The following TESC variants were observed in gnomAD, a reference collection of about 807,000 sequenced individuals.
The protein encoded by TESC is calcineurin B homologous protein 3.
In TESC, 19 loss-of-function variants were observed where a neutral mutation model predicts 31.0. That is an observed-to-expected ratio of 0.61 (90% confidence interval 0.43 to 0.90). The LOEUF is 0.90. TESC is among the 40% of genes least tolerant of loss of function. The probability of loss-of-function intolerance (pLI) is 0.00; values close to 1 mark genes in which losing one functional copy is unlikely to be tolerated. For missense variants in TESC, 248 were observed against 303.8 expected (o/e 0.82, Z 1.36); for synonymous variants, 109 against 114.8 (o/e 0.95, Z 0.32).
intron 1 of TESC, among the ~76,000 whole-genome samples, chr12:117,075,971 GTATA>G (rs1555232418): frequency 1.0e-5 from 1 of 99,672 alleles, no homozygotes; most frequent in African/African-American, 4.2e-5. Context: ...ATATATGTAT[GTATA>G]TATATATATA....
intron 2 of TESC, among the ~76,000 whole-genome samples, chr12:117,068,248 G>A (rs1197722168): frequency 6.6e-6 from 1 of 152,092 alleles, no homozygotes; most frequent in East Asian, 1.9e-4. Context: ...ACTGCTGAGG[G>A]CCTGGGTGTG....
intron 1 of TESC, among the ~76,000 whole-genome samples, chr12:117,090,121 A>G (rs927034131): frequency 6.6e-6 from 1 of 152,250 alleles, no homozygotes; most frequent in Non-Finnish European, 1.5e-5. Context: ...CAAAATAACA[A>G]TATTTCCAAA....
intron 2 of TESC, among the ~76,000 whole-genome samples, chr12:117,067,541 C>A (rs1954904958): frequency 6.6e-6 from 1 of 152,192 alleles, no homozygotes; most frequent in Non-Finnish European, 1.5e-5. Flanking sequence ...CACTGCACCC[C>A]AGTCTGGACA....
intron 1 of TESC, among the ~76,000 whole-genome samples, chr12:117,082,903 A>G (rs34916477): frequency 1.2e-4 from 18 of 152,274 alleles, no homozygotes; most frequent in South Asian, 4.1e-4. Context: ...AATTTTTTTA[A>G]CCATGATGAC....
chr12:117,095,705 C>T (rs995439701), intron 1 of TESC, among the ~76,000 whole-genome samples: 1 of 152,024 alleles, frequency 6.6e-6, no homozygotes, highest in Admixed American at 6.6e-5. Context: ...CATGGCAAGA[C>T]CCCTGTCTCT....
chr12:117,045,868 G>A (rs1450656327), intron 6 of TESC, among the ~76,000 whole-genome samples: 2 of 152,242 alleles, frequency 1.3e-5, no homozygotes, highest in African/African-American at 4.8e-5. Context: ...GTGGTCCCCA[G>A]AGGCTTAGAG....
intron 1 of TESC, among the ~76,000 whole-genome samples, chr12:117,088,575 G>A (rs1955253545): frequency 6.6e-6 from 1 of 152,106 alleles, no homozygotes; most frequent in East Asian, 1.9e-4. Flanking sequence ...CAGCTACTCA[G>A]GAGGCTGAGG....
At chr12:117,057,280 TG>T (rs1386191956) in intron 2 of TESC, among the ~76,000 whole-genome samples, 1 of 152,060 alleles carries the variant, frequency 6.6e-6, no homozygotes, top group Admixed American at 6.6e-5. Context: ...TTAAATTTTT[TG>T]TAGAGACAAG....
At chr12:117,077,553 G>A (rs1346446670) in intron 1 of TESC, among the ~76,000 whole-genome samples, 1 of 152,224 alleles carries the variant, frequency 6.6e-6, no homozygotes, top group African/African-American at 2.4e-5. Flanking sequence ...GAGTGCTAAT[G>A]TGTAATATAG....
intron 2 of TESC, among the ~76,000 whole-genome samples, chr12:117,066,213 T>TTTTTTTA (rs1954878046): frequency 7.5e-6 from 1 of 133,012 alleles, no homozygotes; most frequent in African/African-American, 3.1e-5. Context: ...TTTTTTTTTT[T>TTTTTTTA]TTTTTTTTTT....
At chr12:117,086,731 C>T (rs1040295072) in intron 1 of TESC, among the ~76,000 whole-genome samples, 91 of 152,310 alleles carry the variant, frequency 6.0e-4, no homozygotes, top group African/African-American at 2.0e-3. Flanking sequence ...AGCCACAGCG[C>T]CCAACCTAAA....
intron 1 of TESC, among the ~76,000 whole-genome samples, chr12:117,076,592 C>T (rs373455540): frequency 2.6e-5 from 4 of 151,482 alleles, no homozygotes; most frequent in East Asian, 3.9e-4. Flanking sequence ...TACAGGCACG[C>T]GCCACCACGC....
chr12:117,079,118 G>A (rs993168299), intron 1 of TESC, among the ~76,000 whole-genome samples: 7 of 152,154 alleles, frequency 4.6e-5, no homozygotes, highest in African/African-American at 1.2e-4. Flanking sequence ...GGTCTGTCTG[G>A]CAGAAAACAT....
intron 6 of TESC, among the ~76,000 whole-genome samples, chr12:117,046,265 G>A (rs1313215651): frequency 6.6e-6 from 1 of 152,176 alleles, no homozygotes; most frequent in Non-Finnish European, 1.5e-5. Flanking sequence ...GTGCTGCTGT[G>A]AGCACTGACT....
intron 2 of TESC, among the ~76,000 whole-genome samples, chr12:117,058,930 C>A (rs1954766554): frequency 6.6e-6 from 1 of 152,138 alleles, no homozygotes; most frequent in Non-Finnish European, 1.5e-5. Flanking sequence ...GAAGGCCATC[C>A]TGGGTTCTCT....
At chr12:117,043,041 C>T (rs1361463496) in intron 6 of TESC, among the ~76,000 whole-genome samples, 1 of 151,826 alleles carries the variant, frequency 6.6e-6, no homozygotes, top group Non-Finnish European at 1.5e-5. Flanking sequence ...GATGTGTACC[C>T]AGCAGATAAA....
intron 2 of TESC, among the ~76,000 whole-genome samples, chr12:117,061,792 G>C (rs1376576167): frequency 6.6e-6 from 1 of 152,132 alleles, no homozygotes; most frequent in Non-Finnish European, 1.5e-5. Flanking sequence ...ATATCAAAGG[G>C]GATGGTTCAG....
chr12:117,061,158 G>A (rs554635485), intron 2 of TESC, among the ~76,000 whole-genome samples: 1 of 152,346 alleles, frequency 6.6e-6, no homozygotes, highest in South Asian at 2.1e-4. Context: ...GCTCAGCACG[G>A]TGTCTGGTGA....
chr12:117,063,517 T>C (rs1954827789), intron 2 of TESC, among the ~76,000 whole-genome samples: 1 of 152,000 alleles, frequency 6.6e-6, no homozygotes, highest in South Asian at 2.1e-4. Flanking sequence ...CCCAGCTCAG[T>C]TGCAAAGTTC....
Sources: allele counts gnomAD v4.1 joint callset (sites outside exome capture counted in the v4.1 genomes callset), GRCh38; gene constraint gnomAD v4.1.1; transcripts MANE v1.5; gene names NCBI Gene and HGNC (gene_info 2026-07-23, HGNC 2026-07-21).